Variants in ITGAM observed in about 807,000 individuals in gnomAD.
The protein encoded by ITGAM is integrin subunit alpha M.
Under a neutral mutation model 137.5 loss-of-function variants are expected in ITGAM, and 79 were observed. The ratio of observed to expected loss-of-function variants is 0.57; its 90% CI spans 0.48 to 0.69. ITGAM has a LOEUF of 0.69. Among genes scored for constraint, ITGAM ranks in the 30% least tolerant of loss-of-function variants. ITGAM has a pLI of 0.00. For missense variants in ITGAM, 1,343 were observed against 1,483.5 expected (o/e 0.91, Z 1.56); for synonymous variants, 583 against 592.3 (o/e 0.98, Z 0.23).
At chr16:31,317,629 A>C (rs1001006658) in intron 14 of ITGAM, among the ~76,000 whole-genome samples, 7 of 152,206 alleles carry the variant, frequency 4.6e-5, no homozygotes, top group African/African-American at 1.7e-4. Context: ...AAGCTAAGAC[A>C]GATGTTTAGT....
rs774155506 is a variant in ITGAM, at chr16:31,321,551, G to T, written c.1926G>T (p.Val642=). 6.2e-7 allele frequency: 1 copy of T among 1,613,896 alleles called. No individual in the cohort carries two copies. The highest frequency in any genetic ancestry group is 8.5e-7 in the Non-Finnish European group (1 of 1,179,900). ...ARNVFECNDQ[V]VKGKEAGEVR... ...ATGTATTTGAGTGTAATGATCAGGT[G>T]GTGAAAGGCAAGGAAGCCGGAGAGG... is the stretch of plus-strand genomic sequence containing the variant. The change falls in exon 16 of 30, where the codon GTG becomes GTT. Residue 642 remains valine (V), a synonymous_variant. Coordinates refer to ENST00000544665, the MANE Select transcript of ITGAM (RefSeq NM_000632.4).
intron 12 of ITGAM, among the ~76,000 whole-genome samples, chr16:31,291,856 A>G (rs1319666756): frequency 1.3e-5 from 2 of 152,098 alleles, no homozygotes; most frequent in African/African-American, 4.8e-5. Flanking sequence ...TAGGAAAAAT[A>G]AGACCTAGTG....
At chr16:31,263,401 C>T (rs1446678839) in intron 2 of ITGAM, among the ~76,000 whole-genome samples, 3 of 152,178 alleles carry the variant, frequency 2.0e-5, no homozygotes, top group African/African-American at 2.4e-5. Context: ...TGCATGAGCA[C>T]GTGCAATTTT....
chr16:31,283,820 T>C (rs2079996941), intron 12 of ITGAM, among the ~76,000 whole-genome samples: 2 of 152,240 alleles, frequency 1.3e-5, no homozygotes, highest in African/African-American at 4.8e-5. Flanking sequence ...TTTAAAATTT[T>C]CAGCTTTTCT....
At chr16:31,330,659 G>T in intron 28 of ITGAM, 54 bp downstream of exon 28, 1 of 1,289,708 alleles carries the variant, frequency 7.8e-7, no homozygotes. Context: ...TGCGCTTGTG[G>T]AGATTTCTGG....
At position 31,331,868 on chromosome 16, in the gene ITGAM, C is replaced by CG. The variant is rs2080589449; in HGVS notation, c.*161_*162insG. 8 of 603,208 alleles carry CG rather than the reference C, an allele frequency of 1.3e-5. No individual in the cohort carries two copies. Among genetic ancestry groups the CG allele is most frequent in the Non-Finnish European group, 2.3e-5 (8 of 342,954 alleles). The allele number at this position is 603,208 out of a possible 1,614,324, so 37.4% of individuals were successfully genotyped here. Reference sequence around the variant, plus strand: ...GTGCAAGTGTGTATGTGCGTGTGTGCAAGTGTCTGTGTGCAAGTGTGTGCA... The same window carrying CG: ...GTGCAAGTGTGTATGTGCGTGTGTGCGAAGTGTCTGTGTGCAAGTGTGTGCA... On this transcript the variant is annotated 3_prime_UTR_variant, in exon 30 of 30. Coordinates refer to ENST00000544665, the MANE Select transcript of ITGAM (RefSeq NM_000632.4).
At chr16:31,328,778 G>A (rs1387387128) in intron 23 of ITGAM, among the ~76,000 whole-genome samples, 1 of 100,484 alleles carries the variant, frequency 1.0e-5, no homozygotes, top group African/African-American at 4.7e-5. Flanking sequence ...GTGCGCATGG[G>A]TGTGTATTTG....
intron 14 of ITGAM, among the ~76,000 whole-genome samples, chr16:31,312,520 A>G (rs1167569643): frequency 6.6e-6 from 1 of 152,080 alleles, no homozygotes; most frequent in Non-Finnish European, 1.5e-5. Flanking sequence ...TTGACCTCCC[A>G]GGCTCATGTG....
chr16:31,273,239 T>G, intron 7 of ITGAM, 126 bp from the exon 8 acceptor site: 33 of 777,722 alleles, frequency 4.2e-5, no homozygotes, highest in Non-Finnish European at 5.3e-5. Context: ...AAGTCTGCAG[T>G]GAGCTATGAT....
At chr16:31,299,765 TTCCTCC>T (rs377637740) in intron 14 of ITGAM, among the ~76,000 whole-genome samples, 3 of 121,714 alleles carry the variant, frequency 2.5e-5, no homozygotes, top group South Asian at 2.6e-4. Context: ...CCTCCTCCTC[TTCCTCC>T]TCCTCCTCCT....
At chr16:31,275,806 C>T in intron 9 of ITGAM, 107 bp downstream of exon 9, 1 of 1,061,262 alleles carries the variant, frequency 9.4e-7, no homozygotes, top group Non-Finnish European at 1.4e-6. Context: ...TATCCCCCAG[C>T]ATCAACTCTC....
In ITGAM at chr16:31,325,334, A is replaced by T; in HGVS notation, c.2435A>T (p.Asp812Val). ...VTVTVRNDGE[D>V]SYRTQVTFFF... ...GTGACTGTGAGAAATGATGGTGAGGACTCCTACAGGACACAGGTCACCTTC... is the reference window on the plus strand; with the variant it reads ...GTGACTGTGAGAAATGATGGTGAGGTCTCCTACAGGACACAGGTCACCTTC... The change falls in exon 20 of 30, where the codon GAC (aspartate) becomes GTC (valine). Residue 812 changes from aspartate (D) to valine (V), a missense_variant. By Grantham distance (152) the Asp-to-Val change is radical (BLOSUM62 -3). Transcript: ENST00000544665. 6.2e-7 allele frequency: 1 copy of T among 1,613,534 alleles called. No individual in the cohort carries two copies. Among genetic ancestry groups the T allele is most frequent in the Non-Finnish European group, 8.5e-7 (1 of 1,179,774 alleles).
At chr16:31,266,210 G>A in intron 5 of ITGAM, 63 bp downstream of exon 5, 2 of 1,158,074 alleles carry the variant, frequency 1.7e-6, no homozygotes, top group Non-Finnish European at 2.6e-6. Flanking sequence ...GGGCAGGACT[G>A]AGGTGACGTC....
chr16:31,328,394 GTGA>G (rs536175897), intron 23 of ITGAM, among the ~76,000 whole-genome samples, 164 bp downstream of exon 23: 85 of 151,372 alleles, frequency 5.6e-4, no homozygotes, highest in Admixed American at 2.0e-3. Context: ...GTGTGTGAGT[GTGA>G]TGATCTATGT....
At chr16:31,325,072 C>T (rs369050705) in intron 19 of ITGAM, 41 bp downstream of exon 19, 27 of 1,530,700 alleles carry the variant, frequency 1.8e-5, no homozygotes, top group South Asian at 2.3e-5. Context: ...GAGAAGGACC[C>T]GTACCATGAC....
At chr16:31,328,745 T>A (rs913514753) in intron 23 of ITGAM, among the ~76,000 whole-genome samples, 1 of 150,750 alleles carries the variant, frequency 6.6e-6, no homozygotes, top group Admixed American at 6.6e-5. Flanking sequence ...TGTGCGTATG[T>A]CTGAAGGTCT....
intron 14 of ITGAM, among the ~76,000 whole-genome samples, chr16:31,308,565 G>A (rs1450566634): frequency 4.0e-5 from 6 of 151,634 alleles, no homozygotes; most frequent in Non-Finnish European, 8.8e-5. Flanking sequence ...GTCTTGCTAG[G>A]GCTCTATCAA....
intron 14 of ITGAM, among the ~76,000 whole-genome samples, chr16:31,302,428 C>CTTTCTTTCTTTCTTTCTTTCTTTCTTTCT (rs71390270): frequency 9.7e-6 from 1 of 103,126 alleles, no homozygotes; most frequent in Non-Finnish European, 1.9e-5. Context: ...TTCTTTCTTT[C>CTTTCTTTCTTTCTTTCTTTCTTTCTTTCT]TTCTTTCTTT....
chr16:31,329,170 A>T lies in ITGAM; in HGVS notation c.2793-58A>T, dbSNP rs111319711. On this transcript the variant is annotated intron_variant, in intron 23 of 29. Coordinates refer to ENST00000544665, the MANE Select transcript of ITGAM (RefSeq NM_000632.4). ...GCTCCTTACACACTTAGCCTGAGAC[A>T]CCCTCCCAGGGCACCCCTCATGTTT... 2.0e-5 allele frequency: 23 copies of T among 1,152,836 alleles called. 1 individual carries two copies. Among genetic ancestry groups the T allele is most frequent in the African/African-American group, 1.1e-4 (7 of 64,606 alleles). The allele number at this position is 1,152,836 out of a possible 1,614,324, so 71.4% of individuals were successfully genotyped here.
Sources: allele counts gnomAD v4.1 joint callset (sites outside exome capture counted in the v4.1 genomes callset), GRCh38; gene constraint gnomAD v4.1.1; transcripts MANE v1.5; gene names NCBI Gene and HGNC (gene_info 2026-07-23, HGNC 2026-07-21).